The following FBXO15 variants were observed in gnomAD, a reference collection of about 807,000 sequenced individuals.
FBXO15 encodes F-box only protein 15.
A neutral mutation model predicts 49.5 loss-of-function variants in FBXO15; 30 were observed. The ratio of observed to expected loss-of-function variants is 0.61; its 90% CI spans 0.45 to 0.82. The LOEUF (loss-of-function observed/expected upper bound fraction) is 0.82. Ranked by LOEUF, FBXO15 falls within the 40% of genes least tolerant of loss-of-function variation. The pLI is 0.00. For missense variants in FBXO15, 591 were observed against 631.5 expected (o/e 0.94, Z 0.69); for synonymous variants, 250 against 232.7 (o/e 1.07, Z -0.68).
At chr18:74,095,187 T>A (rs1344437985) in intron 8 of FBXO15, among the ~76,000 whole-genome samples, 1 of 152,232 alleles carries the variant, frequency 6.6e-6, no homozygotes, top group Non-Finnish European at 1.5e-5. Context: ...TTTCTTCATA[T>A]CAGCCATAAG....
intron 8 of FBXO15, among the ~76,000 whole-genome samples, chr18:74,089,041 T>A (rs1912889922): frequency 6.6e-6 from 1 of 152,314 alleles, no homozygotes; most frequent in African/African-American, 2.4e-5. Context: ...CAGATAAATG[T>A]GTGTCATGGT....
At chr18:74,138,011 G>C (rs529771816) in intron 2 of FBXO15, among the ~76,000 whole-genome samples, 1 of 152,012 alleles carries the variant, frequency 6.6e-6, no homozygotes, top group East Asian at 1.9e-4. Flanking sequence ...AGGTCCCCAC[G>C]GTTTCTGCAC....
chr18:74,108,174 T>A (rs1257080971), intron 8 of FBXO15, among the ~76,000 whole-genome samples: 2 of 152,026 alleles, frequency 1.3e-5, no homozygotes, highest in Admixed American at 6.6e-5. Flanking sequence ...ACACACAGTA[T>A]GAAGAGACAG....
Position 74,147,781 on chromosome 18 carries a change from G to T in FBXO15, c.5C>A (p.Ala2Glu). 1.3e-6 allele frequency: 2 copies of T among 1,532,900 alleles called. No homozygotes were observed. Among genetic ancestry groups the T allele is most frequent in the Non-Finnish European group, 1.8e-6 (2 of 1,141,922 alleles). 95.0% of individuals were successfully genotyped at this position (1,532,900 alleles called of 1,614,324 possible). The change falls in exon 1 of 10, where the codon GCG becomes GAG. Residue 2 changes from alanine to glutamate, a missense_variant. By Grantham distance (107) the Ala-to-Glu change is moderately radical. Transcript: ENST00000419743. ...CTGCAAGATCCGACCGCGTCCAGTC[G>T]CCATAGAGACAAGGAGTTCACCACA... M[A>E]TGRGRILQQH... is the part of the protein sequence containing the mutation.
chr18:74,107,892 C>A (rs770674195), intron 8 of FBXO15, among the ~76,000 whole-genome samples: 1 of 152,102 alleles, frequency 6.6e-6, no homozygotes, highest in Non-Finnish European at 1.5e-5. Flanking sequence ...ATTATCAGAG[C>A]CTAACCTACC....
rs140707118 is a variant in FBXO15 at position 74,102,345 on chromosome 18, C to G, written c.1139-20294G>C. On this transcript the variant is annotated intron_variant, in intron 8 of 9. Coordinates refer to ENST00000419743, the MANE Select transcript of FBXO15 (RefSeq NM_001142958.2). The stretch of plus-strand genomic sequence containing the variant: ...AAGATATACAAATGGCCAACAAACA[C>G]AAAAAAAATGCTCAGCATCACTAAT... Among the ~76,000 whole-genome samples, 439 of 151,710 alleles carry G rather than the reference C, an allele frequency of 2.9e-3. 4 individuals carry two copies. Among genetic ancestry groups the G allele is most frequent in the South Asian group, 8.1e-3 (39 of 4,808 alleles).
At chr18:74,089,075 TCA>T (rs1912891788) in intron 8 of FBXO15, among the ~76,000 whole-genome samples, 1 of 152,172 alleles carries the variant, frequency 6.6e-6, no homozygotes, top group African/African-American at 2.4e-5. Flanking sequence ...TATCAACCTA[TCA>T]CTTAGGTATT....
intron 9 of FBXO15, among the ~76,000 whole-genome samples, chr18:74,081,217 G>A (rs764284934): frequency 8.5e-5 from 13 of 152,180 alleles, no homozygotes; most frequent in Non-Finnish European, 1.6e-4. Flanking sequence ...CGCATGCATA[G>A]CGCCGTATAA....
intron 8 of FBXO15, among the ~76,000 whole-genome samples, chr18:74,108,360 A>G (rs28886107): frequency 0.055 from 8,302 of 152,242 alleles, 775 homozygotes; most frequent in African/African-American, 0.19. Flanking sequence ...AAACTCTAAG[A>G]GAGAACCAAA....
At chr18:74,080,335 A>T (rs1912437392) in intron 9 of FBXO15, among the ~76,000 whole-genome samples, 1 of 152,208 alleles carries the variant, frequency 6.6e-6, no homozygotes, top group South Asian at 2.1e-4. Context: ...TAAAAGGCAA[A>T]CAGAAAATAA....
chr18:74,128,716 G>C (rs1978303283), intron 5 of FBXO15, among the ~76,000 whole-genome samples: 2 of 152,198 alleles, frequency 1.3e-5, no homozygotes, highest in Non-Finnish European at 2.9e-5. Flanking sequence ...CAGCCCGAGA[G>C]AGCTGCTCAG....
chr18:74,109,047 C>T (rs941043781), intron 8 of FBXO15, among the ~76,000 whole-genome samples: 1 of 152,134 alleles, frequency 6.6e-6, no homozygotes, highest in Admixed American at 6.5e-5. Flanking sequence ...CTAGACCTGC[C>T]TTGTAAAAGA....
chr18:74,123,379 AAG>A lies in FBXO15; in HGVS notation c.1125_1126del (p.Phe376HisfsTer7). On this transcript the variant is annotated frameshift_variant, in exon 8 of 10. Transcript: ENST00000419743. LOFTEE classifies it high-confidence loss of function. ...TCAATCAATTTCACCTCTCTTGGTG[AAG>A]AGATTGCGAAATGTACCACATAGGT... 1 of 1,606,292 alleles carries A rather than the reference AAG, an allele frequency of 6.2e-7. No homozygotes were observed. Among genetic ancestry groups the A allele is most frequent in the Non-Finnish European group, 8.5e-7 (1 of 1,178,280 alleles).
chr18:74,073,438 C>A lies in FBXO15; in HGVS notation c.*23G>T, dbSNP rs1440924288. 1 of 1,598,466 alleles carries A rather than the reference C, an allele frequency of 6.3e-7. No homozygotes were observed. The highest frequency in any genetic ancestry group is 1.3e-5 in the African/African-American group (1 of 74,166). On this transcript the variant is annotated 3_prime_UTR_variant, in exon 10 of 10. Transcript: ENST00000419743. ...CAGTCAAAAATAAACAACTAAATAACAACAATAATTTGCCACCTACTGCTA... is the reference window on the plus strand; with the variant it reads ...CAGTCAAAAATAAACAACTAAATAAAAACAATAATTTGCCACCTACTGCTA...
At chr18:74,108,184 G>A (rs1367031819) in intron 8 of FBXO15, among the ~76,000 whole-genome samples, 1 of 152,172 alleles carries the variant, frequency 6.6e-6, no homozygotes, top group Non-Finnish European at 1.5e-5. Context: ...TGAAGAGACA[G>A]AGCAAGCGTC....
intron 8 of FBXO15, among the ~76,000 whole-genome samples, chr18:74,090,532 T>C (rs1359909960): frequency 6.6e-6 from 1 of 152,202 alleles, no homozygotes; most frequent in Non-Finnish European, 1.5e-5. Flanking sequence ...CTTTTCGATG[T>C]GGGTGTTTAG....
chr18:74,104,281 TATTA>T (rs1168993715), intron 8 of FBXO15, among the ~76,000 whole-genome samples: 5 of 152,120 alleles, frequency 3.3e-5, no homozygotes, highest in African/African-American at 1.2e-4. Context: ...TGAAAAAACC[TATTA>T]ATAGATTAAC....
At chr18:74,096,390 C>T (rs975225508) in intron 8 of FBXO15, among the ~76,000 whole-genome samples, 3 of 151,982 alleles carry the variant, frequency 2.0e-5, no homozygotes, top group Admixed American at 6.5e-5. Flanking sequence ...CTCTTTGGGG[C>T]CTCCTGCATC....
chr18:74,134,559 G>A (rs1001067985), intron 3 of FBXO15, among the ~76,000 whole-genome samples: 17 of 151,842 alleles, frequency 1.1e-4, no homozygotes, highest in African/African-American at 2.2e-4. Context: ...TAGTAGAGAC[G>A]GGGTTTCACC....
Sources: allele counts gnomAD v4.1 joint callset (sites outside exome capture counted in the v4.1 genomes callset), GRCh38; gene constraint gnomAD v4.1.1; transcripts MANE v1.5; gene names NCBI Gene and HGNC (gene_info 2026-07-23, HGNC 2026-07-21).